Variants in GLS2 observed in about 807,000 individuals in gnomAD.
GLS2 encodes glutaminase liver isoform, mitochondrial.
GLS2 carries 52 observed loss-of-function variants against 79.0 expected under a neutral mutation model. That is an observed-to-expected ratio of 0.66 (90% CI 0.53 to 0.83). The LOEUF is 0.83. Ranked by LOEUF, GLS2 falls within the 40% of genes least tolerant of loss-of-function variation. GLS2 has a pLI of 0.00. For synonymous variants in GLS2, 238 were observed against 280.8 expected (o/e 0.85, Z 1.52); for missense variants, 561 against 764.8 (o/e 0.73, Z 3.14).
intron 2 of GLS2, 23 bp downstream of exon 2, chr12:56,480,265 T>C: frequency 6.3e-7 from 1 of 1,595,456 alleles, no homozygotes; most frequent in Non-Finnish European, 8.6e-7. Flanking sequence ...ATTAGGATCC[T>C]GAACAGGTAG....
rs758037363 is a variant in GLS2, at chr12:56,472,187, A to G, written c.1520T>C (p.Leu507Ser). 2.5e-6 allele frequency: 4 copies of G among 1,614,080 alleles called. No homozygotes were observed. The highest frequency in any genetic ancestry group is 3.4e-6 in the Non-Finnish European group (4 of 1,180,038). The stretch of plus-strand genomic sequence containing the variant: ...TTTCTGTTCCATATCCATGGCTGAC[A>G]AGGCAAACCTGAGGGTAGTGGGAAA... Reference protein sequence around the residue: ...GDVSALRRFALSAMDMEQKDY... With the variant: ...GDVSALRRFASSAMDMEQKDY... The change falls in exon 16 of 18, where the codon TTG becomes TCG. Residue 507 changes from leucine (L) to serine (S), a missense_variant. Transcript: ENST00000311966.
chr12:56,486,931 CAGAG>C (rs1870738395), intron 1 of GLS2, among the ~76,000 whole-genome samples: 1 of 61,988 alleles, frequency 1.6e-5, no homozygotes, highest in Admixed American at 1.3e-4. Context: ...TCCCTTACGA[CAGAG>C]ACTCGAGTAG....
chr12:56,487,821 G>A (rs1005710055), intron 1 of GLS2, 116 bp downstream of exon 1: 13 of 1,218,158 alleles, frequency 1.1e-5, no homozygotes, highest in Non-Finnish European at 1.4e-5. Flanking sequence ...CCGAGGGCTA[G>A]TGAGCGAGGA....
rs184839885 is a variant in GLS2, at chr12:56,486,476, C to A, written c.182+1461G>T. 8.2e-4 allele frequency among the ~76,000 whole-genome samples: 125 copies of A among 152,284 alleles called. 2 individuals are homozygous for A. The highest frequency in any genetic ancestry group is 3.4e-3 in the Middle Eastern group (1 of 294). On this transcript the variant is annotated intron_variant, in intron 1 of 17. Transcript: ENST00000311966. ...GGAGAGGGCTTATCCTTTAAATGTT[C>A]TGTGTCTCTTTAAGAAGAAGCTGAT... is the stretch of plus-strand genomic sequence containing the variant.
intron 4 of GLS2, 126 bp from the exon 5 acceptor site, chr12:56,478,388 C>T: frequency 1.1e-6 from 1 of 945,478 alleles, no homozygotes; most frequent in Non-Finnish European, 1.6e-6. Flanking sequence ...AGAGGGGTTC[C>T]CTCCTGCCTG....
chr12:56,475,363 G>T, intron 9 of GLS2: 2 of 1,001,976 alleles, frequency 2.0e-6, no homozygotes, highest in African/African-American at 1.6e-5. Flanking sequence ...GAAGTTTTTG[G>T]CTTTGAAAGT....
chr12:56,478,970 C>G (rs1188408092), intron 4 of GLS2, 82 bp downstream of exon 4: 2 of 1,493,070 alleles, frequency 1.3e-6, no homozygotes, highest in Non-Finnish European at 1.8e-6. Flanking sequence ...GGTGACAGAG[C>G]AAAACTCTGT....
chr12:56,472,380 T>A (rs568883105), intron 15 of GLS2, 185 bp from the exon 16 acceptor site: 1 of 618,252 alleles, frequency 1.6e-6, no homozygotes, highest in African/African-American at 1.8e-5. Flanking sequence ...ATTAGAGAGA[T>A]GGGAATGTGA....
Position 56,471,051 on chromosome 12 carries a change from G to T in GLS2, c.*436C>A. Reference sequence around the variant, plus strand: ...CAGCATGTCCTGGCCAAGGGGAGTAGATTTCTCCAGACTACTAAAGCCATG... The same window carrying T: ...CAGCATGTCCTGGCCAAGGGGAGTATATTTCTCCAGACTACTAAAGCCATG... On this transcript the variant is annotated 3_prime_UTR_variant, in exon 18 of 18. Transcript: ENST00000311966. The T allele has an allele frequency of 3.5e-6, 1 of 283,646 alleles. No homozygotes were observed. The highest frequency in any genetic ancestry group is 6.5e-6 in the Non-Finnish European group (1 of 153,358). The allele number at this position is 283,646 out of a possible 1,614,324, so 17.6% of individuals were successfully genotyped here.
intron 1 of GLS2, chr12:56,487,471 T>G: frequency 5.5e-6 from 1 of 182,966 alleles, no homozygotes; most frequent in Non-Finnish European, 1.1e-5. Flanking sequence ...TGCGCACCAA[T>G]AATACACGCG....
At chr12:56,475,284 G>T in intron 9 of GLS2, 174 bp from the exon 10 acceptor site, 1 of 1,485,288 alleles carries the variant, frequency 6.7e-7, no homozygotes, top group Non-Finnish European at 9.1e-7. Flanking sequence ...CAAACACTCA[G>T]CATAGTTTTG....
intron 1 of GLS2, 100 bp downstream of exon 1, chr12:56,487,837 G>T: frequency 1.5e-6 from 2 of 1,314,232 alleles, no homozygotes; most frequent in African/African-American, 1.5e-5. Context: ...GAGGAGAGGG[G>T]AGATGAGCGG....
At chr12:56,474,983 A>G in intron 10 of GLS2, 61 bp downstream of exon 10, 3 of 1,613,678 alleles carry the variant, frequency 1.9e-6, no homozygotes, top group East Asian at 4.5e-5. Context: ...CCCAACCCCT[A>G]CTGCCCTTCC....
chr12:56,479,875 T>C lies in GLS2; in HGVS notation c.309A>G (p.Thr103=). 1 of 1,613,318 alleles carries C rather than the reference T, an allele frequency of 6.2e-7. No individual in the cohort carries two copies. The highest frequency in any genetic ancestry group is 1.3e-5 in the African/African-American group (1 of 75,006). Residue 103 remains threonine (T), a synonymous_variant, in exon 3 of 18, where the codon ACA becomes ACG. Coordinates refer to ENST00000311966, the MANE Select transcript of GLS2 (RefSeq NM_013267.4). ...TGCAGTCTCGGAGCCGAGGATCTGA[T>C]GTCTGCAGTCCAGTGGCCTTTAGTG... ...TTALKATGLQ[T]SDPRLRDCMS...
At chr12:56,485,779 C>T (rs969694576) in intron 1 of GLS2, among the ~76,000 whole-genome samples, 5 of 151,940 alleles carry the variant, frequency 3.3e-5, no homozygotes, top group Non-Finnish European at 5.9e-5. Flanking sequence ...CGGTGGCTCA[C>T]GCCTATAATC....
chr12:56,473,901 T>C, intron 12 of GLS2: 1 of 274,178 alleles, frequency 3.6e-6, no homozygotes, highest in African/African-American at 2.2e-5. Flanking sequence ...AGACACGTAA[T>C]GTTTAAAGTA....
At chr12:56,476,119 T>A (rs1374652724) in intron 7 of GLS2, 142 bp from the exon 8 acceptor site, 2 of 737,442 alleles carry the variant, frequency 2.7e-6, no homozygotes, top group African/African-American at 3.5e-5. Context: ...CCTTTTTTTA[T>A]CCTTCTGAAA....
intron 1 of GLS2, among the ~76,000 whole-genome samples, chr12:56,482,843 C>T (rs895326617): frequency 2.0e-5 from 3 of 152,236 alleles, no homozygotes; most frequent in African/African-American, 7.2e-5. Context: ...GTGATCCTCC[C>T]ACCTCAGCCT....
Position 56,471,520 on chromosome 12 carries a change from G to T in GLS2, c.1776C>A (p.Ala592=), listed in dbSNP as rs1162965926. The change falls in exon 18 of 18, where the codon GCC becomes GCA. Residue 592 remains alanine (A), a synonymous_variant. Transcript: ENST00000311966. ...SETQAEAAAE[A]LSKENLESMV is the part of the protein sequence containing the mutation. ...TGCTTTCTAAGTTCTCTTTGGACAG[G>T]GCCTCAGCTGCTGCCTCAGCCTGAG... 1.2e-6 allele frequency: 2 copies of T among 1,614,024 alleles called. No individual in the cohort carries two copies. The highest frequency in any genetic ancestry group is 2.2e-5 in the East Asian group (1 of 44,878).
Sources: gnomAD v4.1 joint callset for allele counts (sites outside exome capture counted in the v4.1 genomes callset) on GRCh38, gnomAD v4.1.1 for gene constraint, MANE v1.5 for transcripts, NCBI Gene and HGNC (gene_info 2026-07-23, HGNC 2026-07-21) for gene names.